The following ERBIN variants were observed in gnomAD, a reference collection of about 807,000 sequenced individuals.
ERBIN encodes erbb2 interacting protein.
In ERBIN, 60 loss-of-function variants were observed where a neutral mutation model predicts 158.4. The ratio of observed to expected loss-of-function variants is 0.38; its 90% CI spans 0.31 to 0.47. ERBIN has a LOEUF of 0.47. ERBIN is among the 20% of genes least tolerant of loss of function. The pLI is 0.99. For missense variants in ERBIN, 1,610 were observed against 1,648.0 expected, an observed-to-expected ratio of 0.98 and a Z score of 0.40; for synonymous variants, 594 against 557.2, an observed-to-expected ratio of 1.07 and a Z score of -0.93.
chr5:65,927,561 C>A (rs997090182), intron 1 of ERBIN, among the ~76,000 whole-genome samples: 1 of 152,160 alleles, frequency 6.6e-6, no homozygotes, highest in Non-Finnish European at 1.5e-5. Flanking sequence ...ACATTAACAA[C>A]CTGTAAGACG....
intron 2 of ERBIN, among the ~76,000 whole-genome samples, chr5:65,990,764 A>G (rs999541657): frequency 6.6e-6 from 1 of 151,046 alleles, no homozygotes; most frequent in Non-Finnish European, 1.5e-5. Context: ...GTAAAAAAAA[A>G]ATTTTTTTTT....
intron 21 of ERBIN, among the ~76,000 whole-genome samples, chr5:66,062,695 T>C (rs140669677): frequency 0.04 from 6,134 of 152,258 alleles, 419 homozygotes; most frequent in African/African-American, 0.14. Flanking sequence ...TCTTTGATGA[T>C]GGTGATGTAC....
At chr5:65,967,247 T>A (rs1322420508) in intron 1 of ERBIN, among the ~76,000 whole-genome samples, 6 of 152,080 alleles carry the variant, frequency 3.9e-5, no homozygotes, top group African/African-American at 7.2e-5. Flanking sequence ...AGAAAAAAAA[T>A]TTTAAATAAA....
chr5:66,043,912 C>T (rs916225935), intron 16 of ERBIN, among the ~76,000 whole-genome samples: 3 of 152,112 alleles, frequency 2.0e-5, no homozygotes, highest in African/African-American at 7.2e-5. Context: ...ATATTTGAGT[C>T]TGATAAAACT....
intron 15 of ERBIN, 141 bp downstream of exon 15, chr5:66,038,623 GA>G: frequency 1.8e-6 from 1 of 564,378 alleles, no homozygotes; most frequent in Non-Finnish European, 3.1e-6. Context: ...CGAAATAATG[GA>G]AAAATAGGGC....
intron 18 of ERBIN, among the ~76,000 whole-genome samples, chr5:66,047,977 G>A (rs1194656706): frequency 6.6e-6 from 1 of 151,868 alleles, no homozygotes; most frequent in Non-Finnish European, 1.5e-5. Flanking sequence ...AATGTACTAA[G>A]TGTTAAAGAA....
chr5:66,053,305 C>T (rs903399551), intron 20 of ERBIN, 101 bp from the exon 21 acceptor site: 2 of 645,286 alleles, frequency 3.1e-6, no homozygotes, highest in South Asian at 4.2e-5. Context: ...CTTTTATTAA[C>T]TTTTTTAACT....
chr5:65,987,859 A>G (rs1026256005), intron 1 of ERBIN, among the ~76,000 whole-genome samples: 4 of 150,696 alleles, frequency 2.7e-5, no homozygotes, highest in African/African-American at 9.9e-5. Flanking sequence ...AAAAAAAAAA[A>G]TCTTAGAAGG....
chr5:66,078,681 T>C lies in ERBIN; in HGVS notation c.*151T>C. On this transcript the variant is annotated 3_prime_UTR_variant, in exon 26 of 26. Coordinates refer to ENST00000284037, the MANE Select transcript of ERBIN (RefSeq NM_001253697.2). ...ATTAATGAAATAATGGAACTTGTGGTTAGAGGGAAAGAACCACTGTACAGA... is the reference window on the plus strand; with the variant it reads ...ATTAATGAAATAATGGAACTTGTGGCTAGAGGGAAAGAACCACTGTACAGA... 2 of 622,182 alleles carry C rather than the reference T, an allele frequency of 3.2e-6. No individual in the cohort carries two copies. Among genetic ancestry groups the C allele is most frequent in the South Asian group, 2.1e-5 (1 of 47,894 alleles). The allele number at this position is 622,182 out of a possible 1,614,324, so 38.5% of individuals were successfully genotyped here.
At chr5:66,046,057 G>A (rs1436228248) in intron 17 of ERBIN, among the ~76,000 whole-genome samples, 2 of 151,952 alleles carry the variant, frequency 1.3e-5, no homozygotes, top group African/African-American at 4.9e-5. Context: ...CCGGAGTTGA[G>A]TTTGCTGAGC....
chr5:66,016,680 C>G (rs1275371125), intron 7 of ERBIN, among the ~76,000 whole-genome samples: 3 of 148,808 alleles, frequency 2.0e-5, no homozygotes, highest in Non-Finnish European at 3.0e-5. Flanking sequence ...GTGGCATGAT[C>G]TCGGTTCACT....
At chr5:66,006,461 A>T (rs1753609593) in intron 4 of ERBIN, among the ~76,000 whole-genome samples, 1 of 152,182 alleles carries the variant, frequency 6.6e-6, no homozygotes, top group South Asian at 2.1e-4. Flanking sequence ...CCTAGGCAAT[A>T]CCATTCAGGA....
At chr5:65,955,967 T>C (rs926315262) in intron 1 of ERBIN, among the ~76,000 whole-genome samples, 3 of 152,210 alleles carry the variant, frequency 2.0e-5, no homozygotes, top group African/African-American at 7.2e-5. Flanking sequence ...ACCCGCCCAT[T>C]AGTCACTTAG....
chr5:65,960,448 G>C (rs930671468), intron 1 of ERBIN, among the ~76,000 whole-genome samples: 1 of 152,112 alleles, frequency 6.6e-6, no homozygotes, highest in Non-Finnish European at 1.5e-5. Context: ...TCTGCATTTC[G>C]CTATACGTAA....
At chr5:66,040,600 A>C (rs767924867) in intron 15 of ERBIN, among the ~76,000 whole-genome samples, 27 of 151,944 alleles carry the variant, frequency 1.8e-4, no homozygotes, top group Admixed American at 1.1e-3. Flanking sequence ...ACAGCACTAA[A>C]CAAGGTGAAT....
Position 66,075,095 on chromosome 5 carries a change from C to A in ERBIN, c.3828C>A (p.Pro1276=), listed in dbSNP as rs140223756. The A allele has an allele frequency of 3.7e-6, 6 of 1,614,130 alleles. No individual in the cohort carries two copies. The highest frequency in any genetic ancestry group is 4.2e-6 in the Non-Finnish European group (5 of 1,180,022). The change falls in exon 23 of 26, where the codon CCC becomes CCA. Residue 1276 remains proline (P), a synonymous_variant. Transcript: ENST00000284037. ...PQANYSQIHH[P]PQASVARHPS... ...CAAATTATAGTCAAATACATCACCC[C>A]CCTCAGGCATCTGTGGCAAGGCATC...
At chr5:65,966,970 T>C (rs1748711223) in intron 1 of ERBIN, among the ~76,000 whole-genome samples, 1 of 152,008 alleles carries the variant, frequency 6.6e-6, no homozygotes, top group Non-Finnish European at 1.5e-5. Context: ...GAAAAAAGCA[T>C]ATAAAATAAG....
At chr5:66,064,174 T>G (rs1234690600) in intron 21 of ERBIN, among the ~76,000 whole-genome samples, 1 of 152,184 alleles carries the variant, frequency 6.6e-6, no homozygotes, top group African/African-American at 2.4e-5. Context: ...AACAGTGCTT[T>G]TTGAAAAACT....
chr5:65,952,279 T>C (rs1401694635), intron 1 of ERBIN, among the ~76,000 whole-genome samples: 1 of 152,164 alleles, frequency 6.6e-6, no homozygotes, highest in African/African-American at 2.4e-5. Flanking sequence ...AAAAGCACCA[T>C]AGATATACTA....
Sources: allele counts gnomAD v4.1 joint callset (sites outside exome capture counted in the v4.1 genomes callset), GRCh38; gene constraint gnomAD v4.1.1; transcripts MANE v1.5; gene names NCBI Gene and HGNC (gene_info 2026-07-23, HGNC 2026-07-21).